The following ADAP2 variants were observed in gnomAD, a reference collection of about 807,000 sequenced individuals.
ADAP2 encodes arf-GAP with dual PH domain-containing protein 2.
A neutral mutation model predicts 54.9 loss-of-function variants in ADAP2; 42 were observed. That is an observed-to-expected ratio of 0.77 (90% CI 0.60 to 0.99). ADAP2 has a LOEUF of 0.99. Ranked by LOEUF, ADAP2 falls within the 50% of genes least tolerant of loss-of-function variation. The pLI is 0.00. For missense variants in ADAP2, 429 were observed against 480.4 expected, an observed-to-expected ratio of 0.89 and a Z score of 1.00; for synonymous variants, 177 against 180.1, an observed-to-expected ratio of 0.98 and a Z score of 0.14.
At chr17:30,925,564 C>CTCTT (rs1910984819) in intron 2 of ADAP2, among the ~76,000 whole-genome samples, 1 of 150,682 alleles carries the variant, frequency 6.6e-6, no homozygotes, top group African/African-American at 2.4e-5. Context: ...TCTTCTTCTT[C>CTCTT]TTCTCTTTTC....
chr17:30,940,525 G>A (rs1285759018), intron 5 of ADAP2, among the ~76,000 whole-genome samples: 4 of 151,920 alleles, frequency 2.6e-5, no homozygotes, highest in Non-Finnish European at 4.4e-5. Context: ...GGCTGGTCTC[G>A]AACTCCTGAC....
At chr17:30,936,374 C>T (rs528954647) in intron 5 of ADAP2, among the ~76,000 whole-genome samples, 18 of 152,008 alleles carry the variant, frequency 1.2e-4, no homozygotes, top group Non-Finnish European at 2.2e-4. Flanking sequence ...TTGTTGTCTA[C>T]GCTGTTCTCA....
intron 7 of ADAP2, among the ~76,000 whole-genome samples, chr17:30,950,584 ATT>A (rs1904555560): frequency 6.6e-6 from 1 of 152,172 alleles, no homozygotes; most frequent in Admixed American, 6.5e-5. Context: ...CTGGAAAACC[ATT>A]TTAATGCTGG....
intron 5 of ADAP2, among the ~76,000 whole-genome samples, chr17:30,941,746 A>T (rs1040763068): frequency 1.7e-4 from 26 of 152,180 alleles, no homozygotes; most frequent in African/African-American, 6.3e-4. Context: ...GCAAAACTGT[A>T]CTGATAGAAG....
intron 8 of ADAP2, chr17:30,954,245 G>T (rs1212509039): frequency 2.3e-6 from 1 of 427,564 alleles, no homozygotes; most frequent in Non-Finnish European, 4.3e-6. Context: ...GAGGCAGCAG[G>T]GTGAAGCTGG....
At position 30,944,962 on chromosome 17, in the gene ADAP2, CAG is replaced by C. The variant is rs1397819694; in HGVS notation, c.570_571del (p.Lys191AspfsTer25). On this transcript the variant is annotated frameshift_variant, in exon 6 of 11. Coordinates refer to ENST00000330889, the MANE Select transcript of ADAP2 (RefSeq NM_018404.3). LOFTEE classifies it high-confidence loss of function. ...AAGGACTTGAATGCCACCTTCCAGA[CAG>C]AGAAGATAGGGCACCCCCATGGGCT... 1 of 1,614,140 alleles carries C rather than the reference CAG, an allele frequency of 6.2e-7. No homozygotes were observed. The highest frequency in any genetic ancestry group is 8.5e-7 in the Non-Finnish European group (1 of 1,180,016).
chr17:30,930,503 C>T (rs1402989642), intron 3 of ADAP2, among the ~76,000 whole-genome samples: 1 of 152,220 alleles, frequency 6.6e-6, no homozygotes, highest in Non-Finnish European at 1.5e-5. Flanking sequence ...TCAGGTCTCT[C>T]ATACTCTCTC....
chr17:30,922,576 C>A (rs901562372), intron 1 of ADAP2, among the ~76,000 whole-genome samples: 1 of 152,190 alleles, frequency 6.6e-6, no homozygotes, highest in Non-Finnish European at 1.5e-5. Context: ...CAGACGCCCC[C>A]CGAAGGCCTC....
chr17:30,956,792 A>C (rs1366487845), intron 10 of ADAP2: 1 of 317,524 alleles, frequency 3.1e-6, no homozygotes. Flanking sequence ...ACCGTGCTCT[A>C]TGCTGATCCT....
intron 5 of ADAP2, among the ~76,000 whole-genome samples, chr17:30,943,902 C>A (rs1321118776): frequency 6.7e-6 from 1 of 148,324 alleles, no homozygotes; most frequent in African/African-American, 2.5e-5. Flanking sequence ...TAAATAAGAA[C>A]CAGATTGGCC....
chr17:30,923,624 C>T (rs1446383792), intron 2 of ADAP2, among the ~76,000 whole-genome samples: 1 of 151,044 alleles, frequency 6.6e-6, no homozygotes, highest in Non-Finnish European at 1.5e-5. Context: ...TTTGACCTAG[C>T]TGTGGACCCT....
intron 3 of ADAP2, among the ~76,000 whole-genome samples, chr17:30,927,708 C>G (rs949008985): frequency 6.6e-6 from 1 of 151,902 alleles, no homozygotes; most frequent in Non-Finnish European, 1.5e-5. Context: ...CTGCAGATCC[C>G]TAAATACTAA....
chr17:30,922,127 G>A lies in ADAP2; in HGVS notation c.94+19G>A. 1 of 1,231,496 alleles carries A rather than the reference G, an allele frequency of 8.1e-7. No homozygotes were observed. The allele number at this position is 1,231,496 out of a possible 1,614,324, so 76.3% of individuals were successfully genotyped here. ...GCGGCAGGTAAGGGCGCGGCGGCGC[G>A]GGCAGCGCGAGACCCCCGGCCGGAC... On this transcript the variant is annotated intron_variant, in intron 1 of 10. Coordinates refer to ENST00000330889, the MANE Select transcript of ADAP2 (RefSeq NM_018404.3).
chr17:30,939,460 C>A (rs1293947701), intron 5 of ADAP2, among the ~76,000 whole-genome samples: 2 of 147,608 alleles, frequency 1.4e-5, no homozygotes, highest in Middle Eastern at 3.6e-3. Context: ...GCCCCAAGCT[C>A]TATACAAAGC....
At position 30,945,017 on chromosome 17, in the gene ADAP2, C is replaced by T; in HGVS notation, c.621C>T (p.His207=). The change falls in exon 6 of 11, where the codon CAC becomes CAT. Residue 207 remains histidine (H), a synonymous_variant. Coordinates refer to ENST00000330889, the MANE Select transcript of ADAP2 (RefSeq NM_018404.3). ...AGATCACCTACAGGAGAGATGGCCA[C>T]ACCAGGAACCTGTTTGTGTATCATG... ...GLQITYRRDG[H]TRNLFVYHES... 6.2e-7 allele frequency: 1 copy of T among 1,614,084 alleles called. No homozygotes were observed. The highest frequency in any genetic ancestry group is 8.5e-7 in the Non-Finnish European group (1 of 1,180,006).
At chr17:30,942,778 G>T (rs570687809) in intron 5 of ADAP2, among the ~76,000 whole-genome samples, 44 of 152,258 alleles carry the variant, frequency 2.9e-4, no homozygotes, top group Middle Eastern at 3.4e-3. Flanking sequence ...AGACATACAC[G>T]TGGCCAACAA....
chr17:30,934,688 A>G (rs1911745853), intron 5 of ADAP2, among the ~76,000 whole-genome samples: 1 of 152,212 alleles, frequency 6.6e-6, no homozygotes, highest in Non-Finnish European at 1.5e-5. Context: ...AGAGCTCCGT[A>G]ATCAAAACAT....
intron 2 of ADAP2, among the ~76,000 whole-genome samples, chr17:30,925,182 C>CCT (rs1567713251): frequency 9.9e-6 from 1 of 100,650 alleles, no homozygotes. Context: ...CCGTGCCCAG[C>CCT]ATTTTTTTTT....
chr17:30,930,897 T>C (rs905348360), intron 3 of ADAP2, among the ~76,000 whole-genome samples: 1 of 152,170 alleles, frequency 6.6e-6, no homozygotes, highest in African/African-American at 2.4e-5. Context: ...GCTGAGTAGG[T>C]GCTAGGCCCT....
Sources: gnomAD v4.1 joint callset for allele counts (sites outside exome capture counted in the v4.1 genomes callset) on GRCh38, gnomAD v4.1.1 for gene constraint, MANE v1.5 for transcripts, NCBI Gene and HGNC (gene_info 2026-07-23, HGNC 2026-07-21) for gene names.